Variants in VPS13B observed in about 807,000 individuals in gnomAD.
The protein encoded by VPS13B is vacuolar protein sorting 13 homolog B.
In VPS13B, 285 loss-of-function variants were observed where a neutral mutation model predicts 426.4. The observed-to-expected ratio is 0.67, with a 90% CI of 0.61 to 0.74. The LOEUF (loss-of-function observed/expected upper bound fraction) is 0.74, where lower values mean the gene tolerates loss of function less well. Ranked by LOEUF, VPS13B falls within the 30% of genes least tolerant of loss-of-function variation. The pLI, the probability that VPS13B is intolerant of heterozygous loss-of-function variation, is 0.00. For missense variants in VPS13B, 4,537 were observed against 4,782.6 expected, an observed-to-expected ratio of 0.95 and a Z score of 1.51; for synonymous variants, 1,676 against 1,676.4, an observed-to-expected ratio of 1.00 and a Z score of 0.01.
intron 5 of VPS13B, among the ~76,000 whole-genome samples, chr8:99,106,847 T>G (rs1847075253): frequency 6.6e-6 from 1 of 152,230 alleles, no homozygotes; most frequent in South Asian, 2.1e-4. Flanking sequence ...CCTGCACTGG[T>G]CTTTCCTGGA....
chr8:99,493,649 G>A (rs576552812), intron 25 of VPS13B, among the ~76,000 whole-genome samples: 26 of 152,124 alleles, frequency 1.7e-4, no homozygotes, highest in South Asian at 6.2e-4. Flanking sequence ...ACTGGGTGTG[G>A]TGGCGTGTGC....
intron 18 of VPS13B, 84 bp downstream of exon 18, chr8:99,274,416 A>G: frequency 1.3e-6 from 2 of 1,596,524 alleles, no homozygotes; most frequent in Non-Finnish European, 1.7e-6. Context: ...TACTGAAACA[A>G]GAATTTACTC....
chr8:99,207,500 T>C (rs1814798064), intron 17 of VPS13B, among the ~76,000 whole-genome samples: 1 of 152,140 alleles, frequency 6.6e-6, no homozygotes, highest in African/African-American at 2.4e-5. Flanking sequence ...AGAAAATATA[T>C]AAAGTGTAAG....
chr8:99,362,303 G>A (rs1812615243), intron 19 of VPS13B, among the ~76,000 whole-genome samples: 1 of 151,744 alleles, frequency 6.6e-6, no homozygotes. Context: ...CACCACACCT[G>A]CTAATTTTTT....
chr8:99,013,738 C>A (rs376395578), intron 1 of VPS13B, 22 bp from the exon 2 acceptor site: 10 of 1,611,292 alleles, frequency 6.2e-6, no homozygotes, highest in South Asian at 3.3e-5. Context: ...CGACTTCTAA[C>A]GTTTCTGTCT....
chr8:99,378,648 AG>A (rs1813627767), intron 19 of VPS13B, among the ~76,000 whole-genome samples: 1 of 152,206 alleles, frequency 6.6e-6, no homozygotes, highest in Admixed American at 6.5e-5. Context: ...TCAGGGTTTC[AG>A]CAGGTCCTTC....
At chr8:99,786,425 ACTC>A (rs1563916937) in intron 43 of VPS13B, among the ~76,000 whole-genome samples, 1 of 151,922 alleles carries the variant, frequency 6.6e-6, no homozygotes, top group East Asian at 1.9e-4. Flanking sequence ...ATGTTGTCTC[ACTC>A]CCCTAGGTTT....
At chr8:99,739,613 C>A (rs897975877) in intron 39 of VPS13B, among the ~76,000 whole-genome samples, 2 of 152,214 alleles carry the variant, frequency 1.3e-5, no homozygotes, top group African/African-American at 4.8e-5. Context: ...AGGTACTCCT[C>A]TGAGACAAAA....
At chr8:99,284,480 G>T (rs1387187370) in intron 19 of VPS13B, among the ~76,000 whole-genome samples, 1 of 152,084 alleles carries the variant, frequency 6.6e-6, no homozygotes, top group Non-Finnish European at 1.5e-5. Flanking sequence ...TGATATAAAG[G>T]CTTATTTTTT....
rs533284476 is a variant in VPS13B, at chr8:99,428,103, G to A, written c.3083-3434G>A. 2.2e-3 allele frequency among the ~76,000 whole-genome samples: 333 copies of A among 152,278 alleles called. 1 individual carries two copies. The highest frequency in any genetic ancestry group is 7.4e-3 in the African/African-American group (309 of 41,552). On this transcript the variant is annotated intron_variant, in intron 21 of 61. Transcript: ENST00000357162. Reference sequence around the variant, plus strand: ...AGCCATATGTAGAAAGCTGAAACTGGATCCCTTCCTTACACCTTATACAAA... The same window carrying A: ...AGCCATATGTAGAAAGCTGAAACTGAATCCCTTCCTTACACCTTATACAAA...
rs993903593 is a variant in VPS13B at position 99,123,665 on chromosome 8, T to A, written c.1206+2220T>A. ...TGACTTGGACTAGGGTGATAGCAAG[T>A]GGAGGTGATGAAAAGTGATTGTGTT... On this transcript the variant is annotated intron_variant, in intron 8 of 61. Transcript: ENST00000357162. 1.3e-5 allele frequency among the ~76,000 whole-genome samples: 2 copies of A among 151,828 alleles called. 1 individual carries two copies. Among genetic ancestry groups the A allele is most frequent in the Non-Finnish European group, 2.9e-5 (2 of 67,966 alleles).
At chr8:99,618,541 A>C (rs1828208586) in intron 33 of VPS13B, among the ~76,000 whole-genome samples, 1 of 152,238 alleles carries the variant, frequency 6.6e-6, no homozygotes, top group Admixed American at 6.5e-5. Context: ...CAGCTTGAAT[A>C]GAATTCATTA....
At chr8:99,871,341 G>A in intron 60 of VPS13B, 107 bp from the exon 61 acceptor site, 1 of 1,544,004 alleles carries the variant, frequency 6.5e-7, no homozygotes, top group Non-Finnish European at 8.9e-7. Flanking sequence ...GGATTGGTGA[G>A]GGCCCTTTGC....
intron 19 of VPS13B, among the ~76,000 whole-genome samples, chr8:99,293,997 C>G (rs1330836516): frequency 8.8e-6 from 1 of 113,510 alleles, no homozygotes; most frequent in Non-Finnish European, 1.9e-5. Context: ...CCTCAGGGAT[C>G]TAGAACTAGA....
chr8:99,434,932 A>T (rs1817294417), intron 22 of VPS13B, among the ~76,000 whole-genome samples: 1 of 152,192 alleles, frequency 6.6e-6, no homozygotes, highest in Non-Finnish European at 1.5e-5. Flanking sequence ...TCCAGCACTT[A>T]ATTTTTGTTA....
intron 24 of VPS13B, among the ~76,000 whole-genome samples, chr8:99,470,998 A>C (rs1008334283): frequency 2.0e-5 from 3 of 152,142 alleles, no homozygotes; most frequent in Non-Finnish European, 4.4e-5. Context: ...GACAGAAGAC[A>C]TTGGAACAAT....
chr8:99,621,391 G>A (rs373968258), intron 33 of VPS13B, among the ~76,000 whole-genome samples: 7 of 152,148 alleles, frequency 4.6e-5, no homozygotes, highest in Non-Finnish European at 1.0e-4. Context: ...AATCCCCATT[G>A]CCGTCTCTTT....
chr8:99,468,533 A>G (rs1220197650), intron 24 of VPS13B, among the ~76,000 whole-genome samples: 1 of 152,056 alleles, frequency 6.6e-6, no homozygotes, highest in Non-Finnish European at 1.5e-5. Context: ...TTATAAGCCA[A>G]TTTTTAAGAG....
At chr8:99,856,827 C>A (rs922505720) in intron 56 of VPS13B, among the ~76,000 whole-genome samples, 1 of 151,870 alleles carries the variant, frequency 6.6e-6, no homozygotes, top group Non-Finnish European at 1.5e-5. Flanking sequence ...GACAACAGAG[C>A]GAGACTCCAT....
Sources: allele counts gnomAD v4.1 joint callset (sites outside exome capture counted in the v4.1 genomes callset), GRCh38; gene constraint gnomAD v4.1.1; transcripts MANE v1.5; gene names NCBI Gene and HGNC (gene_info 2026-07-23, HGNC 2026-07-21).